Variants in IQCJ observed in about 807,000 individuals in gnomAD.
The protein encoded by IQCJ is IQ motif containing J, also known as IQ domain-containing protein J.
IQCJ carries 9 observed loss-of-function variants against 11.0 expected under a neutral mutation model. That is an observed-to-expected ratio of 0.82 (90% confidence interval 0.49 to 1.43). The LOEUF (loss-of-function observed/expected upper bound fraction) is 1.43, where lower values mean the gene tolerates loss of function less well. Ranked by LOEUF, IQCJ falls within the 40% of genes most tolerant of loss-of-function variation. The probability of loss-of-function intolerance (pLI) is 0.00; values close to 1 mark genes in which losing one functional copy is unlikely to be tolerated. For missense variants in IQCJ, 146 were observed against 133.2 expected, an observed-to-expected ratio of 1.10 and a Z score of -0.47; for synonymous variants, 55 against 51.3, an observed-to-expected ratio of 1.07 and a Z score of -0.31.
At chr3:159,229,971 C>T (rs1726148343) in intron 1 of IQCJ, among the ~76,000 whole-genome samples, 1 of 147,946 alleles carries the variant, frequency 6.8e-6, no homozygotes, top group Non-Finnish European at 1.5e-5. Context: ...AGGATTGTTA[C>T]ATGGGTATAT....
intron 2 of IQCJ, 30 bp from the exon 3 acceptor site, chr3:159,252,697 G>T: frequency 1.3e-6 from 2 of 1,596,468 alleles, no homozygotes; most frequent in Non-Finnish European, 1.7e-6. Flanking sequence ...TCTGGATTGG[G>T]AGATATTGAG....
At chr3:159,255,074 C>T (rs745817235) in intron 3 of IQCJ, among the ~76,000 whole-genome samples, 4 of 152,130 alleles carry the variant, frequency 2.6e-5, no homozygotes, top group Admixed American at 2.0e-4. Context: ...TTTTTTTAGT[C>T]CTGAAGAGCA....
At chr3:159,215,838 C>G (rs764999038) in intron 1 of IQCJ, among the ~76,000 whole-genome samples, 1 of 151,902 alleles carries the variant, frequency 6.6e-6, no homozygotes, top group Non-Finnish European at 1.5e-5. Flanking sequence ...CAATTTTCTC[C>G]TACATTACAC....
chr3:159,218,760 C>G (rs114858399), intron 1 of IQCJ, among the ~76,000 whole-genome samples: 321 of 152,222 alleles, frequency 2.1e-3, no homozygotes, highest in African/African-American at 7.5e-3. Flanking sequence ...GCTGCTGTAA[C>G]AAATTATCAC....
At chr3:159,087,521 A>G (rs1318861199) in intron 1 of IQCJ, among the ~76,000 whole-genome samples, 1 of 151,930 alleles carries the variant, frequency 6.6e-6, no homozygotes, top group Non-Finnish European at 1.5e-5. Flanking sequence ...ACCTCTGGTA[A>G]AATTCAGCTG....
intron 1 of IQCJ, among the ~76,000 whole-genome samples, chr3:159,214,088 T>C (rs926999199): frequency 3.9e-5 from 6 of 152,190 alleles, no homozygotes; most frequent in Admixed American, 2.6e-4. Flanking sequence ...ATCCCTAACC[T>C]GGACCTTCCC....
chr3:159,239,015 A>T (rs999670981), intron 1 of IQCJ, among the ~76,000 whole-genome samples: 2 of 152,154 alleles, frequency 1.3e-5, no homozygotes, highest in Non-Finnish European at 2.9e-5. Context: ...GACAAATGGG[A>T]CTAGCAAGAG....
intron 1 of IQCJ, among the ~76,000 whole-genome samples, chr3:159,156,868 T>A (rs1721552427): frequency 6.6e-6 from 1 of 152,188 alleles, no homozygotes; most frequent in Admixed American, 6.5e-5. Flanking sequence ...TAATAACATA[T>A]AAAGATTCAT....
rs114191092 is a variant in IQCJ at position 159,108,169 on chromosome 3, C to T, written c.9+38728C>T. On this transcript the variant is annotated intron_variant, in intron 1 of 3. Transcript: ENST00000397832. ...GCCTGCCAGAGGTCCCAAGAAGCTA[C>T]CACTGTGATTGCTATTTTATTTAGA... is the stretch of plus-strand genomic sequence containing the variant. Among the ~76,000 whole-genome samples, 816 of 152,212 alleles carry T rather than the reference C, an allele frequency of 5.4e-3. 9 individuals are homozygous for T. Among genetic ancestry groups the T allele is most frequent in the African/African-American group, 0.019 (792 of 41,502 alleles).
intron 1 of IQCJ, 59 bp downstream of exon 1, chr3:159,069,500 T>C (rs931154845): frequency 2.4e-5 from 37 of 1,562,852 alleles, no homozygotes; most frequent in Non-Finnish European, 2.8e-5. Context: ...CAGCTGCTTA[T>C]TATTTTTTAA....
intron 3 of IQCJ, among the ~76,000 whole-genome samples, chr3:159,257,503 C>T (rs1457636055): frequency 2.0e-5 from 3 of 152,098 alleles, no homozygotes; most frequent in Non-Finnish European, 4.4e-5. Flanking sequence ...GGCCCTGGTG[C>T]GTAGGAAGCA....
intron 1 of IQCJ, among the ~76,000 whole-genome samples, chr3:159,122,712 A>G (rs146450827): frequency 3.0e-4 from 45 of 152,312 alleles, no homozygotes; most frequent in African/African-American, 9.9e-4. Context: ...AAAAATCCAG[A>G]TTTTTTATTA....
chr3:159,119,428 C>G (rs1025201993), intron 1 of IQCJ, among the ~76,000 whole-genome samples: 1 of 152,184 alleles, frequency 6.6e-6, no homozygotes, highest in Non-Finnish European at 1.5e-5. Context: ...CAGAATGAGT[C>G]TCAGTTTAAA....
intron 1 of IQCJ, among the ~76,000 whole-genome samples, chr3:159,232,459 T>C (rs945590253): frequency 2.1e-5 from 3 of 144,064 alleles, no homozygotes; most frequent in Non-Finnish European, 3.0e-5. Flanking sequence ...TTCTTTTTTT[T>C]TTTTTTTTTT....
intron 1 of IQCJ, among the ~76,000 whole-genome samples, chr3:159,232,965 G>A (rs1350859731): frequency 6.6e-6 from 1 of 152,212 alleles, no homozygotes; most frequent in African/African-American, 2.4e-5. Context: ...TCCAGGTATA[G>A]AGATTTGTTC....
intron 1 of IQCJ, among the ~76,000 whole-genome samples, chr3:159,215,714 A>C (rs914791357): frequency 2.6e-5 from 4 of 152,128 alleles, no homozygotes; most frequent in Non-Finnish European, 5.9e-5. Flanking sequence ...TTGCATTGCT[A>C]TCAGTTATCT....
intron 1 of IQCJ, among the ~76,000 whole-genome samples, chr3:159,082,037 T>G (rs561588197): frequency 1.3e-5 from 2 of 152,204 alleles, no homozygotes; most frequent in South Asian, 4.1e-4. Flanking sequence ...AGGTCAGTTA[T>G]TTTTTTCATT....
chr3:159,070,041 G>C lies in IQCJ; in HGVS notation c.9+600G>C, dbSNP rs562670659. On this transcript the variant is annotated intron_variant, in intron 1 of 3. Coordinates refer to ENST00000397832, the MANE Select transcript of IQCJ (RefSeq NM_001042706.3). ...GTGGTTCTGCTTTGGAGAACCTCAG[G>C]GGGACGTTGATCCGCAGTGTTCAGC... 6.9e-5 allele frequency: 14 copies of C among 203,340 alleles called. No homozygotes were observed. The South Asian group carries it at 1.2e-3, about 18-fold the overall frequency. The allele number at this position is 203,340 out of a possible 1,614,324, so 12.6% of individuals were successfully genotyped here. A position where few individuals can be genotyped will look rare whatever the true frequency, so the allele number is the denominator to read the frequency against.
chr3:159,145,860 C>T (rs1018129766), intron 1 of IQCJ, among the ~76,000 whole-genome samples: 1 of 152,104 alleles, frequency 6.6e-6, no homozygotes, highest in Non-Finnish European at 1.5e-5. Flanking sequence ...GAGTCTTTGT[C>T]CTCAGAGTGA....
Sources: allele counts gnomAD v4.1 joint callset (sites outside exome capture counted in the v4.1 genomes callset), GRCh38; gene constraint gnomAD v4.1.1; transcripts MANE v1.5; gene names NCBI Gene and HGNC (gene_info 2026-07-23, HGNC 2026-07-21).